Variants in KSR2 observed in about 807,000 individuals in gnomAD.
KSR2 encodes the protein kinase suppressor of ras 2.
Under a neutral mutation model 107.8 loss-of-function variants are expected in KSR2, and 25 were observed. The ratio of observed to expected loss-of-function variants is 0.23; its 90% confidence interval spans 0.17 to 0.32. The LOEUF is 0.32. Ranked by LOEUF, KSR2 falls within the 10% of genes least tolerant of loss-of-function variation. The pLI, the probability that KSR2 is intolerant of heterozygous loss-of-function variation, is 1.00. For synonymous variants in KSR2, 480 were observed against 507.0 expected (o/e 0.95, Z 0.71); for missense variants, 887 against 1,268.9 (o/e 0.70, Z 4.57).
At chr12:117,934,399 A>G (rs1419799572) in intron 1 of KSR2, among the ~76,000 whole-genome samples, 2 of 152,208 alleles carry the variant, frequency 1.3e-5, no homozygotes, top group Admixed American at 6.5e-5. Flanking sequence ...CGCTCTTCCT[A>G]CAAGCAAGGT....
chr12:117,678,673 T>C (rs768043668), intron 4 of KSR2, among the ~76,000 whole-genome samples: 3 of 151,986 alleles, frequency 2.0e-5, no homozygotes, highest in African/African-American at 4.8e-5. Flanking sequence ...TGTTTGGGGG[T>C]AATGCAGCTC....
At chr12:117,964,279 C>T (rs1358065185) in intron 1 of KSR2, among the ~76,000 whole-genome samples, 1 of 152,164 alleles carries the variant, frequency 6.6e-6, no homozygotes, top group Non-Finnish European at 1.5e-5. Context: ...TCTATCCTCT[C>T]TTGGAGGCCT....
chr12:117,674,874 C>T (rs916741860), intron 4 of KSR2, among the ~76,000 whole-genome samples: 2 of 152,192 alleles, frequency 1.3e-5, no homozygotes, highest in Non-Finnish European at 2.9e-5. Flanking sequence ...ACCCTCCACA[C>T]CTACCCTCCA....
intron 4 of KSR2, among the ~76,000 whole-genome samples, chr12:117,689,542 T>C (rs974264049): frequency 3.3e-5 from 5 of 152,182 alleles, no homozygotes; most frequent in Non-Finnish European, 7.3e-5. Context: ...GGTGTGGCTG[T>C]ATATTAATAA....
intron 1 of KSR2, among the ~76,000 whole-genome samples, chr12:117,878,738 A>C (rs1323416443): frequency 6.6e-6 from 1 of 152,218 alleles, no homozygotes; most frequent in Non-Finnish European, 1.5e-5. Flanking sequence ...ATCTGGGATA[A>C]AACACACATG....
intron 3 of KSR2, among the ~76,000 whole-genome samples, chr12:117,793,987 T>A (rs1304163744): frequency 4.1e-5 from 3 of 72,322 alleles, no homozygotes; most frequent in African/African-American, 6.4e-5. Flanking sequence ...CATGCACACA[T>A]ACACCAACAT....
At chr12:117,656,491 G>A (rs183437765) in intron 5 of KSR2, among the ~76,000 whole-genome samples, 236 of 152,322 alleles carry the variant, frequency 1.5e-3, no homozygotes, top group Middle Eastern at 3.4e-3. Flanking sequence ...GCACATGCCT[G>A]TAATCCCAGC....
intron 7 of KSR2, among the ~76,000 whole-genome samples, chr12:117,567,701 C>G (rs554026871): frequency 6.6e-6 from 1 of 152,068 alleles, no homozygotes; most frequent in Admixed American, 6.5e-5. Flanking sequence ...ATCCTTGCCC[C>G]CTTTGCAGCA....
intron 13 of KSR2, 100 bp from the exon 14 acceptor site, chr12:117,525,319 C>T (rs1008972689): frequency 1.5e-5 from 20 of 1,306,496 alleles, no homozygotes; most frequent in Non-Finnish European, 2.1e-5. Flanking sequence ...GGTCTGGGCA[C>T]ATCTCTACAT....
intron 13 of KSR2, 120 bp from the exon 14 acceptor site, chr12:117,525,339 G>C (rs959375393): frequency 2.6e-6 from 3 of 1,156,902 alleles, no homozygotes; most frequent in South Asian, 3.3e-5. Context: ...TGCATTTGGA[G>C]CTTGTGCAGA....
intron 14 of KSR2, among the ~76,000 whole-genome samples, chr12:117,495,229 C>A (rs538249307): frequency 6.6e-6 from 1 of 152,292 alleles, no homozygotes; most frequent in South Asian, 2.1e-4. Context: ...CATGCTCTTT[C>A]CCCCTCCCTT....
chr12:117,629,151 G>A (rs12424371), intron 5 of KSR2, among the ~76,000 whole-genome samples: 37,191 of 152,158 alleles, frequency 0.24, 4,797 homozygotes, highest in Middle Eastern at 0.3. Flanking sequence ...AACCCCATGC[G>A]CTTCCCAGGT....
In KSR2 at chr12:117,891,416, C is replaced by CAAA. The variant is rs147563190; in HGVS notation, c.181-30988_181-30986dup. On this transcript the variant is annotated intron_variant, in intron 1 of 19. Coordinates refer to ENST00000339824, the MANE Select transcript of KSR2 (RefSeq NM_173598.6). ...GGACAACAAGAGCGAGACTCCATCT[C>CAAA]AAAAAAAAAAAAGAAAGAAAAGAAA... 1.6e-3 allele frequency among the ~76,000 whole-genome samples: 213 copies of CAAA among 135,658 alleles called. 4 individuals are homozygous for CAAA. The East Asian group carries it at 0.038, about 24-fold the overall frequency. 89.0% of individuals were successfully genotyped at this position (135,658 alleles called of 152,430 possible). A position where few individuals can be genotyped will look rare whatever the true frequency, so the allele number is the denominator to read the frequency against.
rs188208331 is a variant in KSR2 at position 117,952,481 on chromosome 12, T to C, written c.180+15595A>G. ...CTGGCCAACATAGCAAAACCCCGTC[T>C]CTACAAATACAAAATATTTGTAAAA... is the stretch of plus-strand genomic sequence containing the variant. On this transcript the variant is annotated intron_variant, in intron 1 of 19. Coordinates refer to ENST00000339824, the MANE Select transcript of KSR2 (RefSeq NM_173598.6). 1.7e-3 allele frequency among the ~76,000 whole-genome samples: 258 copies of C among 150,324 alleles called. 1 individual carries two copies. Among genetic ancestry groups the C allele is most frequent in the Non-Finnish European group, 2.9e-3 (195 of 67,704 alleles).
intron 16 of KSR2, among the ~76,000 whole-genome samples, chr12:117,478,078 C>A (rs150444997): frequency 6.6e-6 from 1 of 152,016 alleles, no homozygotes; most frequent in Non-Finnish European, 1.5e-5. Flanking sequence ...GAGCAGTCAG[C>A]GGGAGAGGGG....
rs1894536054 is a variant in KSR2, at chr12:117,897,047, T to TA, written c.181-36617dup. Among the ~76,000 whole-genome samples, 1 of 152,194 alleles carries TA rather than the reference T, an allele frequency of 6.6e-6. No individual in the cohort carries two copies. Among genetic ancestry groups the TA allele is most frequent in the African/African-American group, 2.4e-5 (1 of 41,448 alleles). ...CTTCATCTGCCTAACCAGGAGGTGT[T>TA]AGAGTGAAGAGGTTTCTTCCTCTCT... is the stretch of plus-strand genomic sequence containing the variant. On this transcript the variant is annotated intron_variant, in intron 1 of 19. Transcript: ENST00000339824. The surrounding 1 kb of genome is among the most constrained non-coding windows in gnomAD (Gnocchi z 4.5).
chr12:117,878,975 G>C (rs1445743793), intron 1 of KSR2, among the ~76,000 whole-genome samples: 27 of 151,814 alleles, frequency 1.8e-4, no homozygotes, highest in Admixed American at 1.8e-3. Context: ...ATCCTATCGG[G>C]GTCGTGGATA....
chr12:117,478,957 G>T (rs1222486540), intron 16 of KSR2, among the ~76,000 whole-genome samples: 1 of 152,126 alleles, frequency 6.6e-6, no homozygotes, highest in East Asian at 1.9e-4. Flanking sequence ...GATAGAAAAT[G>T]TTTGTTCATG....
At chr12:117,893,900 C>T (rs1223752886) in intron 1 of KSR2, among the ~76,000 whole-genome samples, 1 of 143,850 alleles carries the variant, frequency 7.0e-6, no homozygotes, top group Non-Finnish European at 1.5e-5. Context: ...CCACAAAGAA[C>T]AAAATTCTTT....
Sources: allele counts gnomAD v4.1 joint callset (sites outside exome capture counted in the v4.1 genomes callset), GRCh38; gene constraint gnomAD v4.1.1; non-coding constraint Gnocchi (gnomAD v3.1); transcripts MANE v1.5; gene names NCBI Gene and HGNC (gene_info 2026-07-23, HGNC 2026-07-21).